Variants in KIAA1549L observed in about 807,000 individuals in gnomAD.
KIAA1549L encodes KIAA1549 like, also known as UPF0606 protein KIAA1549L.
A neutral mutation model predicts 160.7 loss-of-function variants in KIAA1549L; 88 were observed. The observed-to-expected ratio is 0.55, with a 90% CI of 0.46 to 0.65. The LOEUF is 0.65. Ranked by LOEUF, KIAA1549L falls within the 30% of genes least tolerant of loss-of-function variation. KIAA1549L has a pLI of 0.00. For synonymous variants in KIAA1549L, 950 were observed against 976.7 expected, an observed-to-expected ratio of 0.97 and a Z score of 0.51; for missense variants, 2,258 against 2,437.5, an observed-to-expected ratio of 0.93 and a Z score of 1.55.
intron 16 of KIAA1549L, among the ~76,000 whole-genome samples, chr11:33,639,849 A>G (rs12789648): frequency 0.013 from 1,995 of 152,292 alleles, 26 homozygotes; most frequent in Non-Finnish European, 0.02. Flanking sequence ...CATATATGCA[A>G]AGTTCTAAAC....
chr11:33,460,737 C>A (rs1246268758), intron 1 of KIAA1549L, among the ~76,000 whole-genome samples: 2 of 152,136 alleles, frequency 1.3e-5, no homozygotes, highest in African/African-American at 4.8e-5. Flanking sequence ...TGTGCTTCTG[C>A]TAAATAAATA....
chr11:33,521,349 A>G (rs1331588615), intron 1 of KIAA1549L, among the ~76,000 whole-genome samples: 8 of 152,102 alleles, frequency 5.3e-5, no homozygotes, highest in Non-Finnish European at 7.4e-5. Context: ...TCCACCACTT[A>G]CTTACCGACT....
intron 15 of KIAA1549L, among the ~76,000 whole-genome samples, chr11:33,617,909 G>C (rs550349999): frequency 6.6e-6 from 1 of 151,976 alleles, no homozygotes; most frequent in East Asian, 1.9e-4. Flanking sequence ...ATGGATGGAC[G>C]GATGGACGGA....
At chr11:33,427,342 TC>T (rs530830599) in intron 1 of KIAA1549L, among the ~76,000 whole-genome samples, 56 of 152,248 alleles carry the variant, frequency 3.7e-4, no homozygotes, top group African/African-American at 1.2e-3. Flanking sequence ...CCATCTCTGA[TC>T]CCTTTGTGGG....
intron 1 of KIAA1549L, among the ~76,000 whole-genome samples, chr11:33,486,616 T>C (rs1181179951): frequency 3.3e-5 from 5 of 152,030 alleles, no homozygotes; most frequent in Non-Finnish European, 2.9e-5. Context: ...TAAAGGTTAG[T>C]AAATGATTTC....
chr11:33,482,723 C>A (rs920270497), intron 1 of KIAA1549L, among the ~76,000 whole-genome samples: 1 of 151,806 alleles, frequency 6.6e-6, no homozygotes, highest in Non-Finnish European at 1.5e-5. Flanking sequence ...GCACGTGCCA[C>A]CATACCTGGC....
intron 16 of KIAA1549L, among the ~76,000 whole-genome samples, chr11:33,625,557 CT>C (rs1564929801): frequency 6.6e-6 from 1 of 152,142 alleles, no homozygotes; most frequent in East Asian, 1.9e-4. Flanking sequence ...TAAATGTCTT[CT>C]TTTGAAAAGT....
At chr11:33,470,739 C>T (rs147159379) in intron 1 of KIAA1549L, among the ~76,000 whole-genome samples, 1 of 152,304 alleles carries the variant, frequency 6.6e-6, no homozygotes, top group African/African-American at 2.4e-5. Flanking sequence ...AGGAATGAGC[C>T]ACTGTGCTCA....
chr11:33,381,305 C>T (rs927256458), intron 1 of KIAA1549L, among the ~76,000 whole-genome samples: 13 of 152,126 alleles, frequency 8.5e-5, no homozygotes, highest in African/African-American at 3.1e-4. Flanking sequence ...GGGATAGTGC[C>T]TTCACACATG....
At chr11:33,436,099 T>C (rs543770145) in intron 1 of KIAA1549L, among the ~76,000 whole-genome samples, 2 of 152,012 alleles carry the variant, frequency 1.3e-5, no homozygotes, top group Admixed American at 6.6e-5. Context: ...GAAGATGTAA[T>C]TGCATAGCTT....
intron 15 of KIAA1549L, among the ~76,000 whole-genome samples, chr11:33,614,151 G>A (rs1202698442): frequency 6.6e-6 from 1 of 152,142 alleles, no homozygotes; most frequent in Non-Finnish European, 1.5e-5. Context: ...GGAAGCGTAA[G>A]TTACACTGTT....
chr11:33,625,557 C>G (rs1564929799), intron 16 of KIAA1549L, among the ~76,000 whole-genome samples: 1 of 152,142 alleles, frequency 6.6e-6, no homozygotes. Flanking sequence ...TAAATGTCTT[C>G]TTTTGAAAAG....
At chr11:33,570,590 C>CA (rs1855220849) in intron 9 of KIAA1549L, among the ~76,000 whole-genome samples, 2 of 151,940 alleles carry the variant, frequency 1.3e-5, no homozygotes, top group South Asian at 4.2e-4. Context: ...CAGTTTCCCC[C>CA]AAAAAATTCA....
At chr11:33,473,196 C>T (rs1034442524) in intron 1 of KIAA1549L, among the ~76,000 whole-genome samples, 2 of 152,102 alleles carry the variant, frequency 1.3e-5, no homozygotes, top group Non-Finnish European at 2.9e-5. Context: ...TTAGGGTACC[C>T]CCAAAATCAG....
intron 13 of KIAA1549L, 67 bp from the exon 14 acceptor site, chr11:33,606,574 A>T: frequency 6.6e-7 from 1 of 1,514,896 alleles, no homozygotes; most frequent in South Asian, 1.2e-5. Flanking sequence ...TGAGTCTAAC[A>T]TAAATTCTCC....
chr11:33,589,609 T>C (rs1341797153), intron 11 of KIAA1549L, among the ~76,000 whole-genome samples: 2 of 152,158 alleles, frequency 1.3e-5, no homozygotes, highest in East Asian at 1.9e-4. Flanking sequence ...ATGTCCTTTG[T>C]AGGGACATGG....
intron 1 of KIAA1549L, among the ~76,000 whole-genome samples, chr11:33,431,065 A>G (rs1300130956): frequency 5.3e-5 from 8 of 151,222 alleles, no homozygotes; most frequent in Non-Finnish European, 1.5e-5. Flanking sequence ...GAAGCTGCAG[A>G]CCTTTGCGGT....
At chr11:33,501,511 T>C (rs1852948091) in intron 1 of KIAA1549L, among the ~76,000 whole-genome samples, 1 of 152,138 alleles carries the variant, frequency 6.6e-6, no homozygotes, top group East Asian at 1.9e-4. Flanking sequence ...TAATCAGACA[T>C]AGAGTGGTGA....
intron 1 of KIAA1549L, among the ~76,000 whole-genome samples, chr11:33,452,479 G>A (rs1182644917): frequency 6.6e-6 from 1 of 152,100 alleles, no homozygotes; most frequent in African/African-American, 2.4e-5. Context: ...GTAGTGGCGG[G>A]CAGCTGTAGT....
Sources: allele counts gnomAD v4.1 joint callset (sites outside exome capture counted in the v4.1 genomes callset), GRCh38; gene constraint gnomAD v4.1.1; transcripts MANE v1.5; gene names NCBI Gene and HGNC (gene_info 2026-07-23, HGNC 2026-07-21).